The following CFAP20DC variants were observed in gnomAD, a reference collection of about 807,000 sequenced individuals.
CFAP20DC encodes protein CFAP20DC.
CFAP20DC carries 84 observed loss-of-function variants against 101.7 expected under a neutral mutation model. That is an observed-to-expected ratio of 0.83 (90% CI 0.69 to 0.99). The LOEUF is 0.99. Ranked by LOEUF, CFAP20DC falls within the 50% of genes least tolerant of loss-of-function variation. The probability of loss-of-function intolerance (pLI) is 0.00; values close to 1 mark genes in which losing one functional copy is unlikely to be tolerated. For synonymous variants in CFAP20DC, 359 were observed against 351.2 expected (o/e 1.02, Z -0.25); for missense variants, 1,007 against 970.3 (o/e 1.04, Z -0.50).
At chr3:58,935,946 T>A (rs2087521352) in intron 5 of CFAP20DC, among the ~76,000 whole-genome samples, 1 of 151,774 alleles carries the variant, frequency 6.6e-6, no homozygotes, top group Admixed American at 6.6e-5. Context: ...ACTGAAGAGC[T>A]TCTGCACAGC....
At chr3:58,960,127 A>C (rs776451655) in intron 4 of CFAP20DC, among the ~76,000 whole-genome samples, 2 of 152,118 alleles carry the variant, frequency 1.3e-5, no homozygotes, top group Non-Finnish European at 2.9e-5. Context: ...CTCCTGTTTC[A>C]CTGATTTTGG....
At chr3:58,773,752 T>C (rs2071069637) in intron 15 of CFAP20DC, among the ~76,000 whole-genome samples, 1 of 152,210 alleles carries the variant, frequency 6.6e-6, no homozygotes, top group Non-Finnish European at 1.5e-5. Flanking sequence ...AAATACATCA[T>C]TCAAGAGCCT....
chr3:58,849,191 G>C lies in CFAP20DC; in HGVS notation c.1812C>G (p.Cys604Trp), dbSNP rs1429553416. 9.1e-6 allele frequency: 14 copies of C among 1,536,114 alleles called. No homozygotes were observed. Among genetic ancestry groups the C allele is most frequent in the Non-Finnish European group, 1.2e-5 (14 of 1,146,912 alleles). The change falls in exon 13 of 17, where the codon TGC becomes TGG. Residue 604 changes from cysteine to tryptophan, a missense_variant. Cys to Trp is a radical substitution (Grantham distance 215). Coordinates refer to ENST00000482387, the MANE Select transcript of CFAP20DC (RefSeq NM_001394063.1). ...NFEMSLLPTT[C>W]LSPTGRRCGS... ...CACACCTTCTTCCAGTTGGAGAAAG[G>C]CATGTTGTAGGCAACAAACTCATTT...
intron 7 of CFAP20DC, among the ~76,000 whole-genome samples, chr3:58,879,971 A>T (rs1019408193): frequency 1.3e-5 from 2 of 151,884 alleles, no homozygotes; most frequent in Admixed American, 1.3e-4. Context: ...TATATATTTT[A>T]ATTAAAAATA....
intron 13 of CFAP20DC, among the ~76,000 whole-genome samples, chr3:58,844,408 A>C (rs1434504791): frequency 1.5e-5 from 2 of 137,540 alleles, no homozygotes; most frequent in Non-Finnish European, 3.0e-5. Flanking sequence ...ATCAAAAGAG[A>C]CAAAGAAGGC....
intron 4 of CFAP20DC, among the ~76,000 whole-genome samples, chr3:58,957,835 T>C (rs2090778517): frequency 6.6e-6 from 1 of 152,124 alleles, no homozygotes; most frequent in Non-Finnish European, 1.5e-5. Context: ...AGAAGGATAG[T>C]TACTAGAGGC....
Position 58,834,056 on chromosome 3 carries a change from G to A in CFAP20DC, c.1972-2167C>T, listed in dbSNP as rs566343469. Among the ~76,000 whole-genome samples, 29 of 152,264 alleles carry A rather than the reference G, an allele frequency of 1.9e-4. No homozygotes were observed. In the South Asian group the frequency reaches 5.0e-3, roughly 26 times the overall value. ...GGGCTGGAGGAAAGGGAAACGGGAA[G>A]TGACTACTAGTGGGTGCATGTTTTC... is the stretch of plus-strand genomic sequence containing the variant. On this transcript the variant is annotated intron_variant, in intron 13 of 16. Transcript: ENST00000482387.
intron 9 of CFAP20DC, 57 bp from the exon 10 acceptor site, chr3:58,867,993 GT>G (rs748140208): frequency 1.2e-5 from 18 of 1,489,368 alleles, no homozygotes; most frequent in Non-Finnish European, 1.6e-5. Context: ...ATGGCTTGAA[GT>G]AACTCAGTAA....
chr3:58,846,769 A>G (rs2077688152), intron 13 of CFAP20DC, among the ~76,000 whole-genome samples: 1 of 146,566 alleles, frequency 6.8e-6, no homozygotes, highest in Admixed American at 6.8e-5. Flanking sequence ...AAACTATACT[A>G]CAAGGCTACA....
intron 5 of CFAP20DC, among the ~76,000 whole-genome samples, chr3:58,930,159 G>C (rs1376579086): frequency 6.6e-6 from 1 of 152,050 alleles, no homozygotes; most frequent in Non-Finnish European, 1.5e-5. Flanking sequence ...GTATGGAAAA[G>C]GTCTGTTTAC....
chr3:58,996,844 G>T (rs1345027311), intron 4 of CFAP20DC, among the ~76,000 whole-genome samples: 1 of 152,210 alleles, frequency 6.6e-6, no homozygotes, highest in Non-Finnish European at 1.5e-5. Context: ...TTTTGAGACA[G>T]CCAGGTGGGA....
chr3:59,031,531 C>G (rs1385768701), intron 4 of CFAP20DC, among the ~76,000 whole-genome samples: 1 of 152,138 alleles, frequency 6.6e-6, no homozygotes, highest in East Asian at 1.9e-4. Context: ...GAAAGTGATA[C>G]GTGAGTGCAT....
At chr3:58,995,203 C>A (rs927804248) in intron 4 of CFAP20DC, among the ~76,000 whole-genome samples, 18 of 152,022 alleles carry the variant, frequency 1.2e-4, no homozygotes, top group African/African-American at 3.6e-4. Flanking sequence ...ACAAAGCAGC[C>A]TGCCTTCCTC....
At position 58,914,214 on chromosome 3, in the gene CFAP20DC, T is replaced by G. The variant is rs946785739; in HGVS notation, c.394-350A>C. On this transcript the variant is annotated intron_variant, in intron 5 of 16. Coordinates refer to ENST00000482387, the MANE Select transcript of CFAP20DC (RefSeq NM_001394063.1). The surrounding 1 kb of genome is among the most constrained non-coding windows in gnomAD (Gnocchi z 4.9). ...CCAGTGACATCTTGAAAATCAGAGA[T>G]AAGTAGCCAATTGTTCCTTCAAGGG... Among the ~76,000 whole-genome samples the G allele has an allele frequency of 6.6e-6, 1 of 152,180 alleles. No homozygotes were observed. The highest frequency in any genetic ancestry group is 6.6e-5 in the Admixed American group (1 of 15,266).
At chr3:58,809,381 A>G (rs2107766576) in intron 14 of CFAP20DC, among the ~76,000 whole-genome samples, 1 of 152,322 alleles carries the variant, frequency 6.6e-6, no homozygotes, top group South Asian at 2.1e-4. Flanking sequence ...TCAAACTAGA[A>G]CTCAGGATTA....
chr3:59,037,366 T>G (rs558639000), intron 4 of CFAP20DC, among the ~76,000 whole-genome samples: 1 of 151,750 alleles, frequency 6.6e-6, no homozygotes, highest in East Asian at 1.9e-4. Context: ...GGGAGAAAAT[T>G]TTTGCAATCT....
chr3:58,847,552 C>G (rs1054255124), intron 13 of CFAP20DC, among the ~76,000 whole-genome samples: 1 of 152,048 alleles, frequency 6.6e-6, no homozygotes. Flanking sequence ...AATAGGAACA[C>G]TTTTACACTG....
At chr3:58,938,559 T>G (rs548899710) in intron 4 of CFAP20DC, among the ~76,000 whole-genome samples, 8 of 152,336 alleles carry the variant, frequency 5.3e-5, no homozygotes, top group African/African-American at 1.7e-4. Context: ...AGGGAAAAAC[T>G]TTGTTTAGAC....
Position 58,732,584 on chromosome 3 carries a change from T to G in CFAP20DC, c.198-14956A>C, listed in dbSNP as rs1490897397. Among the ~76,000 whole-genome samples, 1 of 152,152 alleles carries G rather than the reference T, an allele frequency of 6.6e-6. No homozygotes were observed. Among genetic ancestry groups the G allele is most frequent in the East Asian group, 1.9e-4 (1 of 5,194 alleles). On this transcript the variant is annotated intron_variant, in intron 3 of 3. Transcript: ENST00000486145. This position sits in a 1 kb window ranked among gnomAD's most constrained non-coding sequence, Gnocchi z 5.4. Reference sequence around the variant, plus strand: ...TACAGTTCTTTTTCCAGCTCAGTATTGAAAATGGAAATAAAACCGAATGGT... The same window carrying G: ...TACAGTTCTTTTTCCAGCTCAGTATGGAAAATGGAAATAAAACCGAATGGT...
Sources: allele counts gnomAD v4.1 joint callset (sites outside exome capture counted in the v4.1 genomes callset), GRCh38; gene constraint gnomAD v4.1.1; non-coding constraint Gnocchi (gnomAD v3.1); transcripts MANE v1.5; gene names NCBI Gene and HGNC (gene_info 2026-07-23, HGNC 2026-07-21).